The following SPAG9 variants were observed in gnomAD, a reference collection of about 807,000 sequenced individuals.
SPAG9 encodes C-Jun-amino-terminal kinase-interacting protein 4.
SPAG9 carries 35 observed loss-of-function variants against 166.5 expected under a neutral mutation model. The ratio of observed to expected loss-of-function variants is 0.21; its 90% CI spans 0.16 to 0.28. SPAG9 has a LOEUF of 0.28. SPAG9 is among the 10% of genes least tolerant of loss of function. The probability of loss-of-function intolerance (pLI) is 1.00; values close to 1 mark genes in which losing one functional copy is unlikely to be tolerated. For missense variants in SPAG9, 1,235 were observed against 1,603.3 expected (o/e 0.77, Z 3.92); for synonymous variants, 534 against 565.5 (o/e 0.94, Z 0.79).
intron 4 of SPAG9, among the ~76,000 whole-genome samples, chr17:51,042,294 A>C (rs2046869225): frequency 6.6e-6 from 1 of 152,202 alleles, no homozygotes; most frequent in African/African-American, 2.4e-5. Context: ...AAGAAGGTCA[A>C]ATAATTCTAT....
At chr17:51,058,962 T>G (rs1049799625) in intron 2 of SPAG9, among the ~76,000 whole-genome samples, 2 of 152,212 alleles carry the variant, frequency 1.3e-5, no homozygotes, top group Non-Finnish European at 2.9e-5. Flanking sequence ...CCCAAAGGTA[T>G]TTAAAACAAT....
At chr17:51,104,704 C>T (rs1467945910) in intron 1 of SPAG9, among the ~76,000 whole-genome samples, 4 of 151,932 alleles carry the variant, frequency 2.6e-5, no homozygotes, top group South Asian at 2.1e-4. Flanking sequence ...AAGGCCGAGG[C>T]GGGCGGATCA....
At chr17:51,084,444 A>G (rs2048251921) in intron 1 of SPAG9, among the ~76,000 whole-genome samples, 1 of 151,960 alleles carries the variant, frequency 6.6e-6, no homozygotes, top group Non-Finnish European at 1.5e-5. Context: ...GCTGGAGTGC[A>G]GTGGTGCCAT....
chr17:51,062,734 G>A (rs2047552430), intron 2 of SPAG9, among the ~76,000 whole-genome samples: 4 of 152,112 alleles, frequency 2.6e-5, no homozygotes, highest in South Asian at 2.1e-4. Flanking sequence ...GGGACTACAG[G>A]CACCCACCAC....
At chr17:51,007,885 C>A (rs993777776) in intron 9 of SPAG9, 1 of 437,094 alleles carries the variant, frequency 2.3e-6, no homozygotes, top group Non-Finnish European at 4.6e-6. Context: ...AAAGCAAAAA[C>A]AAAGAACAAG....
At chr17:51,018,860 C>G (rs951547755) in intron 8 of SPAG9, among the ~76,000 whole-genome samples, 1 of 152,174 alleles carries the variant, frequency 6.6e-6, no homozygotes, top group African/African-American at 2.4e-5. Flanking sequence ...TCTGTTACTT[C>G]CTTCACTCCC....
chr17:51,010,254 A>G (rs1020039668), intron 9 of SPAG9, among the ~76,000 whole-genome samples: 5 of 152,188 alleles, frequency 3.3e-5, no homozygotes, highest in Admixed American at 6.5e-5. Flanking sequence ...TCACCTGTGA[A>G]GAATTTTTAA....
At chr17:51,015,850 C>T (rs145809163) in intron 8 of SPAG9, among the ~76,000 whole-genome samples, 22 of 151,842 alleles carry the variant, frequency 1.4e-4, no homozygotes, top group South Asian at 1.0e-3. Context: ...TGTTCCAGAA[C>T]GAGAGCAGAA....
intron 6 of SPAG9, among the ~76,000 whole-genome samples, chr17:51,026,674 C>CTTTT (rs35339612): frequency 6.4e-5 from 8 of 124,196 alleles, no homozygotes; most frequent in East Asian, 4.5e-4. Flanking sequence ...TTTTTCTTTT[C>CTTTT]TTTTTTTTTT....
intron 29 of SPAG9, 123 bp from the exon 30 acceptor site, chr17:50,966,510 G>T (rs1173061583): frequency 2.9e-6 from 2 of 682,058 alleles, no homozygotes; most frequent in Non-Finnish European, 5.4e-6. Context: ...GACTTTCACT[G>T]GAGAGTAAAT....
chr17:51,047,919 T>C (rs1378476086), intron 3 of SPAG9, among the ~76,000 whole-genome samples: 1 of 152,114 alleles, frequency 6.6e-6, no homozygotes, highest in East Asian at 1.9e-4. Context: ...CCTTATGTGC[T>C]GATCTCTTCC....
chr17:51,060,870 CAG>C (rs2047493729), intron 2 of SPAG9, among the ~76,000 whole-genome samples: 1 of 142,758 alleles, frequency 7.0e-6, no homozygotes, highest in Admixed American at 7.1e-5. Context: ...TTCCTTGAGA[CAG>C]AGTCTCACTC....
intron 1 of SPAG9, among the ~76,000 whole-genome samples, chr17:51,118,329 A>AT (rs1003443362): frequency 1.6e-4 from 25 of 151,964 alleles, no homozygotes; most frequent in Non-Finnish European, 3.4e-4. Context: ...TGGATAACCT[A>AT]TTTTTTTTAG....
intron 10 of SPAG9, among the ~76,000 whole-genome samples, chr17:51,006,591 A>G (rs1444615358): frequency 6.6e-6 from 1 of 152,268 alleles, no homozygotes; most frequent in Non-Finnish European, 1.5e-5. Context: ...AAATAATGAG[A>G]AAACAGTTTA....
chr17:50,988,649 G>A (rs1319156264), intron 21 of SPAG9, among the ~76,000 whole-genome samples: 1 of 152,124 alleles, frequency 6.6e-6, no homozygotes, highest in Non-Finnish European at 1.5e-5. Flanking sequence ...AGCTCCCAGG[G>A]CTCAAGCAAT....
At chr17:50,975,990 A>T in intron 27 of SPAG9, 1 of 1,014,264 alleles carries the variant, frequency 9.9e-7, no homozygotes. Flanking sequence ...AGCGTCTTCT[A>T]TCTGGTAAAC....
chr17:51,090,713 A>G (rs1204788272), intron 1 of SPAG9, among the ~76,000 whole-genome samples: 4 of 152,176 alleles, frequency 2.6e-5, no homozygotes, highest in Admixed American at 2.0e-4. Flanking sequence ...GCATAATTCA[A>G]CAGTCACCTA....
chr17:51,006,085 T>C lies in SPAG9; in HGVS notation c.1424A>G (p.Lys475Arg), dbSNP rs975952714. 1.2e-6 allele frequency: 2 copies of C among 1,613,958 alleles called. No homozygotes were observed. Among genetic ancestry groups the C allele is most frequent in the East Asian group, 2.2e-5 (1 of 44,890 alleles). ...KNRELEEELRKARAEAEDARQ... is the reference protein window; with the variant it reads ...KNRELEEELRRARAEAEDARQ... Reference sequence around the variant, plus strand: ...TTAGAACAACACAGTTAAAACTTACTTCCTAAGCTCTTCCTCCAATTCTCT... The same window carrying C: ...TTAGAACAACACAGTTAAAACTTACCTCCTAAGCTCTTCCTCCAATTCTCT... Residue 475 changes from lysine to arginine, a missense_variant and splice_region_variant, in exon 11 of 30, where the codon AAA becomes AGA. This residue lies in a region of SPAG9 where 125 missense variants were observed against 194.0 expected (regional missense o/e 0.64). Transcript: ENST00000262013.
chr17:51,105,156 C>A (rs937554842), intron 1 of SPAG9, among the ~76,000 whole-genome samples: 10 of 151,992 alleles, frequency 6.6e-5, no homozygotes, highest in Non-Finnish European at 1.5e-5. Context: ...GTAGGTTAAA[C>A]ATTTTGTAAT....
Sources: gnomAD v4.1 joint callset for allele counts (sites outside exome capture counted in the v4.1 genomes callset) on GRCh38, gnomAD v4.1.1 for gene constraint, gnomAD v4.1.1 regional missense constraint, MANE v1.5 for transcripts, NCBI Gene and HGNC (gene_info 2026-07-23, HGNC 2026-07-21) for gene names.